Variants in UGT2B7 observed in about 807,000 individuals in gnomAD.
UGT2B7 encodes UDP glucuronosyltransferase family 2 member B7.
UGT2B7 carries 51 observed loss-of-function variants against 51.9 expected under a neutral mutation model. That is an observed-to-expected ratio of 0.98 (90% CI 0.78 to 1.24). The LOEUF is 1.24. Among genes scored for constraint, UGT2B7 ranks in the 50% most tolerant of loss-of-function variants. UGT2B7 has a pLI of 0.00. For missense variants in UGT2B7, 727 were observed against 628.4 expected (o/e 1.16, Z -1.68); for synonymous variants, 225 against 211.6 (o/e 1.06, Z -0.55).
At chr4:69,100,183 A>G (rs111726104) in intron 2 of UGT2B7, among the ~76,000 whole-genome samples, 8 of 152,086 alleles carry the variant, frequency 5.3e-5, no homozygotes, top group Admixed American at 1.3e-4. Flanking sequence ...TCCTGTGGGA[A>G]CTCGTCTCAA....
At chr4:69,094,033 A>C (rs1280964458), upstream of UGT2B7, among the ~76,000 whole-genome samples, 1 of 152,132 alleles carries the variant, frequency 6.6e-6, no homozygotes, top group East Asian at 1.9e-4. Context: ...TTTCACTAAT[A>C]CAAGGCATAC....
intron 1 of UGT2B7, among the ~76,000 whole-genome samples, chr4:69,053,943 G>A (rs183879367): frequency 7.9e-5 from 12 of 152,194 alleles, no homozygotes; most frequent in African/African-American, 2.6e-4. Context: ...ATCATAAAGC[G>A]AGAGAAGCCC....
At chr4:69,109,034 TTTG>T (rs1670397389) in intron 5 of UGT2B7, among the ~76,000 whole-genome samples, 1 of 152,114 alleles carries the variant, frequency 6.6e-6, no homozygotes, top group African/African-American at 2.4e-5. Flanking sequence ...AGGCTAATTT[TTTG>T]TTGTTTTTTT....
chr4:69,070,763 G>A (rs1718583220), intron 1 of UGT2B7, among the ~76,000 whole-genome samples: 1 of 152,040 alleles, frequency 6.6e-6, no homozygotes, highest in African/African-American at 2.4e-5. Flanking sequence ...ATTGAGCAAA[G>A]CCTCAGCATG....
intron 1 of UGT2B7, among the ~76,000 whole-genome samples, chr4:69,061,473 A>G (rs192010782): frequency 6.6e-6 from 1 of 152,324 alleles, no homozygotes; most frequent in East Asian, 1.9e-4. Context: ...AGCCTTAGCT[A>G]TGCCTCTCCT....
In UGT2B7 at chr4:69,096,837, G is replaced by C. The variant is rs761487350; in HGVS notation, c.317G>C (p.Trp106Ser). 4 of 1,613,628 alleles carry C rather than the reference G, an allele frequency of 2.5e-6. No homozygotes were observed. The highest frequency in any genetic ancestry group is 2.5e-6 in the Non-Finnish European group (3 of 1,179,836). ...RWSDLPKDTF[W>S]LYFSQVQEIM... ...TCAGACCTTCCAAAAGATACATTTTGGTTATATTTTTCACAAGTACAGGAA... is the reference window on the plus strand; with the variant it reads ...TCAGACCTTCCAAAAGATACATTTTCGTTATATTTTTCACAAGTACAGGAA... Residue 106 changes from tryptophan to serine, a missense_variant, in exon 1 of 6, where the codon TGG (tryptophan) becomes TCG (serine). Coordinates refer to ENST00000305231, the MANE Select transcript of UGT2B7 (RefSeq NM_001074.4).
At chr4:69,077,897 A>G (rs1266011349) in intron 1 of UGT2B7, among the ~76,000 whole-genome samples, 1 of 152,170 alleles carries the variant, frequency 6.6e-6, no homozygotes, top group Admixed American at 6.5e-5. Context: ...CCCATTCAGT[A>G]TGATATGGGC....
intron 3 of UGT2B7, among the ~76,000 whole-genome samples, chr4:69,103,867 C>T (rs202079469): frequency 5.9e-5 from 9 of 152,000 alleles, no homozygotes; most frequent in Non-Finnish European, 1.0e-4. Context: ...AGTAGTTATG[C>T]GGTATATTCT....
chr4:69,069,773 T>G (rs1268618710), intron 1 of UGT2B7: 11 of 152,688 alleles, frequency 7.2e-5, no homozygotes, highest in African/African-American at 2.4e-4. Context: ...TCTCACCTGG[T>G]TCCAGTACTG....
At chr4:69,072,203 T>C (rs1283430491) in intron 1 of UGT2B7, among the ~76,000 whole-genome samples, 1 of 152,138 alleles carries the variant, frequency 6.6e-6, no homozygotes, top group Non-Finnish European at 1.5e-5. Flanking sequence ...ATTGTGCATG[T>C]GTCTGTTTCT....
At chr4:69,104,639 A>C (rs1719538798) in intron 3 of UGT2B7, among the ~76,000 whole-genome samples, 2 of 152,130 alleles carry the variant, frequency 1.3e-5, no homozygotes, top group African/African-American at 4.8e-5. Context: ...ATCAAGAATA[A>C]ATTTATTCAA....
chr4:69,074,516 G>T (rs1441959549), intron 1 of UGT2B7, among the ~76,000 whole-genome samples: 1 of 150,112 alleles, frequency 6.7e-6, no homozygotes, highest in Non-Finnish European at 1.5e-5. Flanking sequence ...TCTTCCAACT[G>T]CGTGTCACTG....
upstream of UGT2B7, among the ~76,000 whole-genome samples, chr4:69,092,262 T>G (rs1719101439): frequency 6.6e-6 from 1 of 152,224 alleles, no homozygotes; most frequent in South Asian, 2.1e-4. Context: ...TCAGTATCTT[T>G]CCTGGCTTAT....
chr4:69,095,640 T>C (rs1719202872), upstream of UGT2B7, among the ~76,000 whole-genome samples: 2 of 152,222 alleles, frequency 1.3e-5, no homozygotes, highest in Admixed American at 6.5e-5. Flanking sequence ...GCTAACCTAA[T>C]GATTAATGCT....
At chr4:69,083,812 C>A (rs1457419627) in intron 1 of UGT2B7, among the ~76,000 whole-genome samples, 1 of 151,852 alleles carries the variant, frequency 6.6e-6, no homozygotes, top group African/African-American at 2.4e-5. Flanking sequence ...TGTATAAAAT[C>A]ATGTCATATG....
At chr4:69,107,633 T>C (rs752671065) in intron 4 of UGT2B7, among the ~76,000 whole-genome samples, 2 of 152,154 alleles carry the variant, frequency 1.3e-5, no homozygotes. Flanking sequence ...CTATCACCAG[T>C]GACTCTGTAT....
At chr4:69,063,679 T>C (rs1234392620) in intron 1 of UGT2B7, among the ~76,000 whole-genome samples, 2 of 152,166 alleles carry the variant, frequency 1.3e-5, no homozygotes, top group African/African-American at 4.8e-5. Context: ...ATGTGGAAGA[T>C]AGCTCATGTC....
chr4:69,096,366 A>G (rs1719221543), upstream of UGT2B7: 1 of 1,210,860 alleles, frequency 8.3e-7, no homozygotes, highest in East Asian at 2.5e-5. Context: ...TCTCTTTGCC[A>G]TCCACATGCT....
At chr4:69,088,232 G>A (rs1719004212) in intron 1 of UGT2B7, among the ~76,000 whole-genome samples, 1 of 151,910 alleles carries the variant, frequency 6.6e-6, no homozygotes, top group African/African-American at 2.4e-5. Context: ...GTTTTCTACT[G>A]AGTTTTTCAA....
Sources: gnomAD v4.1 joint callset for allele counts (sites outside exome capture counted in the v4.1 genomes callset) on GRCh38, gnomAD v4.1.1 for gene constraint, MANE v1.5 for transcripts, NCBI Gene and HGNC (gene_info 2026-07-23, HGNC 2026-07-21) for gene names.